TRAF3: variants seen among roughly 807,000 people sequenced by gnomAD.
The protein encoded by TRAF3 is TNF receptor-associated factor 3.
Under a neutral mutation model 62.3 loss-of-function variants are expected in TRAF3, and 13 were observed. The ratio of observed to expected loss-of-function variants is 0.21; its 90% CI spans 0.14 to 0.33. TRAF3 has a LOEUF of 0.33. TRAF3 is among the 10% of genes least tolerant of loss of function. The probability of loss-of-function intolerance (pLI) is 1.00; values close to 1 mark genes in which losing one functional copy is unlikely to be tolerated. For missense variants in TRAF3, 440 were observed against 741.8 expected (o/e 0.59, Z 4.73); for synonymous variants, 269 against 283.4 (o/e 0.95, Z 0.51).
Position 102,833,012 on chromosome 14 carries a change from G to A in TRAF3, c.-18+2540G>A, listed in dbSNP as rs78478282. ...TTAAATGTCCTCTCCTGGGGTGGGG[G>A]AGGTCCCCATATCCACATAAATGGG... On this transcript the variant is annotated intron_variant, in intron 2 of 11. Transcript: ENST00000392745. 1.1e-3 allele frequency among the ~76,000 whole-genome samples: 174 copies of A among 152,260 alleles called. 3 individuals carry two copies. The East Asian group carries it at 0.031, about 27-fold the overall frequency.
intron 1 of TRAF3, among the ~76,000 whole-genome samples, chr14:102,805,932 T>C (rs1898745035): frequency 6.6e-6 from 1 of 151,870 alleles, no homozygotes. Flanking sequence ...TTAACTAAAT[T>C]TGATTCCTGT....
chr14:102,869,885 G>A (rs535452756), intron 2 of TRAF3, among the ~76,000 whole-genome samples: 2 of 151,814 alleles, frequency 1.3e-5, no homozygotes, highest in South Asian at 4.2e-4. Context: ...ATCATAGCTT[G>A]GTGCAACCTT....
intron 2 of TRAF3, among the ~76,000 whole-genome samples, chr14:102,845,451 C>T (rs1219638345): frequency 6.6e-6 from 1 of 151,906 alleles, no homozygotes. Context: ...GATCTGCCCA[C>T]CTCAGTCTTC....
intron 1 of TRAF3, among the ~76,000 whole-genome samples, chr14:102,789,883 A>AGT (rs1164543104): frequency 6.6e-6 from 1 of 151,370 alleles, no homozygotes; most frequent in Non-Finnish European, 1.5e-5. Flanking sequence ...GCAGTGGTGC[A>AGT]GTGGCATGAT....
chr14:102,904,075 G>C lies in TRAF3; in HGVS notation c.1135+646G>C, dbSNP rs182587616. Among the ~76,000 whole-genome samples the C allele has an allele frequency of 2.6e-4, 40 of 152,324 alleles. No individual in the cohort carries two copies. In the East Asian group the frequency reaches 7.7e-3, roughly 29 times the overall value. ...CGGAGGGAGGAGTGGGGAGAGCACA[G>C]CTGTCTCCTGCTCCCAGGAGCTCCC... On this transcript the variant is annotated intron_variant, in intron 11 of 11. Transcript: ENST00000392745.
intron 2 of TRAF3, among the ~76,000 whole-genome samples, chr14:102,846,638 TAAAAAAAA>T (rs752922791): frequency 1.1e-4 from 8 of 71,750 alleles, no homozygotes; most frequent in African/African-American, 1.3e-4. Context: ...TCCAGCTTCT[TAAAAAAAA>T]AAAAAAAAAA....
chr14:102,825,183 A>G (rs1566758200), intron 1 of TRAF3, among the ~76,000 whole-genome samples: 1 of 152,214 alleles, frequency 6.6e-6, no homozygotes, highest in Non-Finnish European at 1.5e-5. Context: ...GCCAAGTCCA[A>G]AGCGTCAGGC....
chr14:102,801,790 G>A (rs959618505), intron 1 of TRAF3, among the ~76,000 whole-genome samples: 3 of 151,758 alleles, frequency 2.0e-5, no homozygotes, highest in African/African-American at 4.8e-5. Flanking sequence ...AGGCCGAGGC[G>A]GGCAGATCAC....
At chr14:102,877,136 AT>A (rs1888723160) in intron 6 of TRAF3, among the ~76,000 whole-genome samples, 1 of 143,188 alleles carries the variant, frequency 7.0e-6, no homozygotes. Context: ...CCCTCAACTC[AT>A]AGATAATCCG....
intron 1 of TRAF3, among the ~76,000 whole-genome samples, chr14:102,786,668 C>T (rs574739822): frequency 3.6e-4 from 54 of 151,818 alleles, no homozygotes; most frequent in African/African-American, 1.1e-3. Context: ...CCCTGGGCAA[C>T]AAGAGTAAAA....
chr14:102,843,672 G>A (rs1886518264), intron 2 of TRAF3, among the ~76,000 whole-genome samples: 1 of 152,132 alleles, frequency 6.6e-6, no homozygotes, highest in African/African-American at 2.4e-5. Context: ...GCCAGGCATG[G>A]TGTCTCACAC....
intron 1 of TRAF3, among the ~76,000 whole-genome samples, chr14:102,817,518 C>T (rs1265145123): frequency 6.6e-6 from 1 of 152,002 alleles, no homozygotes; most frequent in East Asian, 1.9e-4. Flanking sequence ...AGAGGGTGGA[C>T]CTTGCCCATG....
chr14:102,880,960 G>C (rs1036349848), intron 6 of TRAF3, among the ~76,000 whole-genome samples: 1 of 152,022 alleles, frequency 6.6e-6, no homozygotes, highest in Admixed American at 6.6e-5. Flanking sequence ...GCCTGTAATC[G>C]CAGGTGCCTG....
chr14:102,827,419 G>C (rs757907142), intron 1 of TRAF3, among the ~76,000 whole-genome samples: 1 of 152,218 alleles, frequency 6.6e-6, no homozygotes, highest in Non-Finnish European at 1.5e-5. Context: ...TGGATATCTT[G>C]GGGATGAGAC....
intron 2 of TRAF3, among the ~76,000 whole-genome samples, chr14:102,855,640 C>G (rs561954172): frequency 5.3e-5 from 8 of 151,792 alleles, no homozygotes; most frequent in Non-Finnish European, 1.5e-5. Flanking sequence ...TACTAAAATA[C>G]AAAAAATTAG....
At chr14:102,883,671 C>T (rs1206101619) in intron 6 of TRAF3, among the ~76,000 whole-genome samples, 42 of 152,178 alleles carry the variant, frequency 2.8e-4, no homozygotes, top group Non-Finnish European at 4.4e-5. Context: ...CTGTAACCTT[C>T]GCCTCCCAGG....
chr14:102,835,934 G>A (rs1010042273), intron 2 of TRAF3, among the ~76,000 whole-genome samples: 2 of 152,174 alleles, frequency 1.3e-5, no homozygotes, highest in Non-Finnish European at 2.9e-5. Flanking sequence ...ATTTGGGCAC[G>A]ATGACTCATG....
chr14:102,825,740 G>A (rs1900272013), intron 1 of TRAF3, among the ~76,000 whole-genome samples: 1 of 152,264 alleles, frequency 6.6e-6, no homozygotes, highest in Non-Finnish European at 1.5e-5. Context: ...CTTGATCCCT[G>A]ACTTGAAAGT....
intron 1 of TRAF3, among the ~76,000 whole-genome samples, chr14:102,815,023 C>T (rs1899428878): frequency 6.6e-6 from 1 of 152,108 alleles, no homozygotes; most frequent in South Asian, 2.1e-4. Context: ...GTAGCCTCGA[C>T]CTCTAGAGCT....
Sources: gnomAD v4.1 joint callset for allele counts (sites outside exome capture counted in the v4.1 genomes callset) on GRCh38, gnomAD v4.1.1 for gene constraint, MANE v1.5 for transcripts, NCBI Gene and HGNC (gene_info 2026-07-23, HGNC 2026-07-21) for gene names.